UBE2E2: variants seen among roughly 807,000 people sequenced by gnomAD.
The protein encoded by UBE2E2 is ubiquitin-conjugating enzyme E2 E2.
A neutral mutation model predicts 24.7 loss-of-function variants in UBE2E2; 6 were observed. That is an observed-to-expected ratio of 0.24 (90% CI 0.13 to 0.48). UBE2E2 has a LOEUF of 0.48. UBE2E2 is among the 20% of genes least tolerant of loss of function. The pLI is 0.99. For synonymous variants in UBE2E2, 104 were observed against 83.6 expected, an observed-to-expected ratio of 1.24 and a Z score of -1.33; for missense variants, 169 against 245.0, an observed-to-expected ratio of 0.69 and a Z score of 2.07.
rs78886361 is a variant in UBE2E2, at chr3:23,437,279, T to C, written c.228-62329T>C. On this transcript the variant is annotated intron_variant, in intron 3 of 5. Transcript: ENST00000396703. ...TCATTGCAACTACTATTTATAGGGA[T>C]AGTTCTTCCTTGACCATGCCACCTA... Among the ~76,000 whole-genome samples, 263 of 152,326 alleles carry C rather than the reference T, an allele frequency of 1.7e-3. 1 individual carries two copies. Among genetic ancestry groups the C allele is most frequent in the African/African-American group, 6.1e-3 (253 of 41,572 alleles).
chr3:23,339,210 T>C (rs912407796), intron 3 of UBE2E2, among the ~76,000 whole-genome samples: 4 of 152,132 alleles, frequency 2.6e-5, no homozygotes, highest in Non-Finnish European at 5.9e-5. Flanking sequence ...TTGAGGGCCA[T>C]GCTACAAATT....
intron 3 of UBE2E2, among the ~76,000 whole-genome samples, chr3:23,319,738 C>G (rs1559346264): frequency 6.7e-6 from 1 of 148,494 alleles, no homozygotes; most frequent in East Asian, 1.9e-4. Context: ...TTGCTTGAAC[C>G]TGGGAGGCAG....
At chr3:23,293,486 A>G (rs898254419) in intron 3 of UBE2E2, among the ~76,000 whole-genome samples, 2 of 152,222 alleles carry the variant, frequency 1.3e-5, no homozygotes, top group African/African-American at 2.4e-5. Flanking sequence ...GTGTAGCCCA[A>G]CTTCATAGTT....
intron 5 of UBE2E2, among the ~76,000 whole-genome samples, chr3:23,584,132 T>C (rs905638207): frequency 6.6e-6 from 1 of 152,236 alleles, no homozygotes; most frequent in African/African-American, 2.4e-5. Context: ...CATGATGATA[T>C]GTTGAATTTT....
intron 3 of UBE2E2, among the ~76,000 whole-genome samples, chr3:23,383,171 G>A (rs970260479): frequency 2.6e-5 from 4 of 152,078 alleles, no homozygotes; most frequent in Non-Finnish European, 4.4e-5. Flanking sequence ...TAGGGGTCAG[G>A]GACTCAGGGT....
At chr3:23,353,685 T>G (rs1695837876) in intron 3 of UBE2E2, among the ~76,000 whole-genome samples, 1 of 151,944 alleles carries the variant, frequency 6.6e-6, no homozygotes, top group African/African-American at 2.4e-5. Flanking sequence ...ACAAGGGATG[T>G]GAAGGACCGC....
chr3:23,317,769 C>T lies in UBE2E2; in HGVS notation c.227+100457C>T, dbSNP rs527854363. 9.2e-5 allele frequency among the ~76,000 whole-genome samples: 14 copies of T among 152,104 alleles called. No individual in the cohort carries two copies. The South Asian group carries it at 1.0e-3, about 11-fold the overall frequency. On this transcript the variant is annotated intron_variant, in intron 3 of 5. Transcript: ENST00000396703. ...ATTACCTCCTACCGGGTCTCTCCCA[C>T]GACATGTGGGAATTCAAAATGAGAT...
chr3:23,401,212 C>A (rs987187488), intron 3 of UBE2E2, among the ~76,000 whole-genome samples: 2 of 152,070 alleles, frequency 1.3e-5, no homozygotes, highest in Admixed American at 1.3e-4. Context: ...GGAGAAAGAT[C>A]AAGAAGCTAG....
chr3:23,580,517 A>C (rs763155446), intron 5 of UBE2E2, among the ~76,000 whole-genome samples: 1 of 151,988 alleles, frequency 6.6e-6, no homozygotes, highest in Non-Finnish European at 1.5e-5. Flanking sequence ...AATAGACTAC[A>C]GTATAAACAC....
At chr3:23,272,307 C>A (rs1241739506) in intron 3 of UBE2E2, among the ~76,000 whole-genome samples, 1 of 149,126 alleles carries the variant, frequency 6.7e-6, no homozygotes, top group Admixed American at 7.1e-5. Context: ...AGTGTGGGGC[C>A]TGCCAAGCCC....
chr3:23,338,931 T>C (rs1489180104), intron 3 of UBE2E2, among the ~76,000 whole-genome samples: 1 of 152,088 alleles, frequency 6.6e-6, no homozygotes, highest in East Asian at 1.9e-4. Context: ...TAGTGGACAA[T>C]GTAAGATGGT....
At chr3:23,386,068 A>G (rs557662639) in intron 3 of UBE2E2, among the ~76,000 whole-genome samples, 1 of 151,972 alleles carries the variant, frequency 6.6e-6, no homozygotes, top group Non-Finnish European at 1.5e-5. Flanking sequence ...TGCTCAGGCT[A>G]TTTATCTCTT....
intron 3 of UBE2E2, among the ~76,000 whole-genome samples, chr3:23,377,963 G>GA (rs1696563826): frequency 1.3e-5 from 2 of 151,882 alleles, no homozygotes; most frequent in Non-Finnish European, 2.9e-5. Context: ...TAACTCTATA[G>GA]GTAATGTTCT....
At chr3:23,226,846 T>C (rs1445490267) in intron 3 of UBE2E2, among the ~76,000 whole-genome samples, 1 of 151,976 alleles carries the variant, frequency 6.6e-6, no homozygotes, top group Non-Finnish European at 1.5e-5. Context: ...AAAAATTGTG[T>C]CATAGAAATT....
Position 23,503,830 on chromosome 3 carries a change from G to C in UBE2E2, c.360+4090G>C, listed in dbSNP as rs188300738. On this transcript the variant is annotated intron_variant, in intron 4 of 5. Transcript: ENST00000396703. ...ATTGCACCACTGCACTCCAGCCTGGGGGACGGAGCAAGACTCTGTCTCTAA... is the reference window on the plus strand; with the variant it reads ...ATTGCACCACTGCACTCCAGCCTGGCGGACGGAGCAAGACTCTGTCTCTAA... 6.4e-4 allele frequency among the ~76,000 whole-genome samples: 97 copies of C among 151,650 alleles called. 5 individuals carry two copies. The East Asian group carries it at 0.015, about 24-fold the overall frequency.
chr3:23,237,938 AT>A (rs1044052350), intron 3 of UBE2E2, among the ~76,000 whole-genome samples: 5 of 151,416 alleles, frequency 3.3e-5, no homozygotes, highest in African/African-American at 9.7e-5. Context: ...TTGAGGGGAA[AT>A]TTTTTTTTAG....
At chr3:23,538,601 C>T (rs959984892) in intron 5 of UBE2E2, among the ~76,000 whole-genome samples, 1 of 152,064 alleles carries the variant, frequency 6.6e-6, no homozygotes, top group Non-Finnish European at 1.5e-5. Flanking sequence ...CTAAGTTTCC[C>T]ATAGGCTTAC....
intron 3 of UBE2E2, among the ~76,000 whole-genome samples, chr3:23,469,602 A>G (rs1480205813): frequency 6.6e-6 from 1 of 152,044 alleles, no homozygotes; most frequent in Non-Finnish European, 1.5e-5. Context: ...TCAGTAATAA[A>G]TAAAGCAGAG....
chr3:23,279,856 G>A (rs1362534090), intron 3 of UBE2E2, among the ~76,000 whole-genome samples: 1 of 152,158 alleles, frequency 6.6e-6, no homozygotes, highest in African/African-American at 2.4e-5. Flanking sequence ...AACAGTGTAG[G>A]CATACATGAC....
Sources: allele counts gnomAD v4.1 joint callset (sites outside exome capture counted in the v4.1 genomes callset), GRCh38; gene constraint gnomAD v4.1.1; transcripts MANE v1.5; gene names NCBI Gene and HGNC (gene_info 2026-07-23, HGNC 2026-07-21).